Variants in APBB2 observed in about 807,000 individuals in gnomAD.
The protein encoded by APBB2 is amyloid beta precursor protein binding family B member 2.
APBB2 carries 38 observed loss-of-function variants against 82.5 expected under a neutral mutation model. The ratio of observed to expected loss-of-function variants is 0.46; its 90% CI spans 0.36 to 0.60. The LOEUF (loss-of-function observed/expected upper bound fraction) is 0.60. APBB2 is among the 20% of genes least tolerant of loss of function. The pLI is 0.00. For missense variants in APBB2, 772 were observed against 972.3 expected, an observed-to-expected ratio of 0.79 and a Z score of 2.74; for synonymous variants, 341 against 368.2, an observed-to-expected ratio of 0.93 and a Z score of 0.85.
At chr4:41,053,501 T>C (rs1032618524) in intron 4 of APBB2, among the ~76,000 whole-genome samples, 1 of 152,190 alleles carries the variant, frequency 6.6e-6, no homozygotes, top group South Asian at 2.1e-4. Flanking sequence ...AAGCAGCAGC[T>C]TGGAACTCAG....
At chr4:41,097,660 C>A (rs1319427061) in intron 3 of APBB2, among the ~76,000 whole-genome samples, 1 of 152,162 alleles carries the variant, frequency 6.6e-6, no homozygotes, top group Non-Finnish European at 1.5e-5. Flanking sequence ...AATTTTACTT[C>A]CTTTAAAACA....
At chr4:40,948,471 C>G (rs374470440) in intron 6 of APBB2, among the ~76,000 whole-genome samples, 1 of 152,040 alleles carries the variant, frequency 6.6e-6, no homozygotes, top group East Asian at 1.9e-4. Flanking sequence ...ACTCAAGAGG[C>G]TGAGGACGGC....
intron 10 of APBB2, among the ~76,000 whole-genome samples, chr4:40,914,018 C>T (rs1446058716): frequency 6.6e-6 from 1 of 151,984 alleles, no homozygotes; most frequent in Non-Finnish European, 1.5e-5. Context: ...GGCGGACCAC[C>T]TGAGGTCAGG....
intron 7 of APBB2, among the ~76,000 whole-genome samples, chr4:40,941,644 T>TGTTTA (rs1786964449): frequency 6.6e-6 from 1 of 152,212 alleles, no homozygotes. Flanking sequence ...TTTGTTTGTT[T>TGTTTA]TAAGAGACAG....
At chr4:40,982,223 AAAGAAAGAAAGAAAGAAAGAAAG>A (rs1798724752) in intron 6 of APBB2, among the ~76,000 whole-genome samples, 1 of 6,240 alleles carries the variant, frequency 1.6e-4, no homozygotes, top group African/African-American at 6.7e-4. Flanking sequence ...AAAAGAAAGG[AAAGAAAGAAAGAAAGAAAGAAAG>A]AAAGAAAGAA....
At chr4:41,093,155 G>GATGAAA (rs1291753124) in intron 3 of APBB2, among the ~76,000 whole-genome samples, 1 of 152,176 alleles carries the variant, frequency 6.6e-6, no homozygotes, top group Non-Finnish European at 1.5e-5. Flanking sequence ...TCAAAGCCCA[G>GATGAAA]ATGAAATGTT....
At chr4:40,939,109 C>T (rs1786163128) in intron 7 of APBB2, among the ~76,000 whole-genome samples, 1 of 152,190 alleles carries the variant, frequency 6.6e-6, no homozygotes, top group Admixed American at 6.5e-5. Context: ...TGCAGTCTCT[C>T]GGCCTTGGAC....
chr4:41,087,667 G>C (rs1314270066), intron 3 of APBB2, among the ~76,000 whole-genome samples: 6 of 151,824 alleles, frequency 4.0e-5, no homozygotes, highest in Non-Finnish European at 8.8e-5. Flanking sequence ...GACTTCAAGT[G>C]ATCTTCCCGC....
chr4:40,909,279 A>G (rs115900955), intron 10 of APBB2, among the ~76,000 whole-genome samples: 2,472 of 152,306 alleles, frequency 0.016, 61 homozygotes, highest in African/African-American at 0.056. Flanking sequence ...AGAAATGCCA[A>G]CTTATTAATT....
At chr4:40,862,863 A>C (rs2154335883) in intron 12 of APBB2, among the ~76,000 whole-genome samples, 1 of 152,088 alleles carries the variant, frequency 6.6e-6, no homozygotes, top group East Asian at 1.9e-4. Flanking sequence ...TCTCAAAAAA[A>C]AAAAAAAAAA....
At chr4:40,932,303 T>C (rs1197036635) in intron 10 of APBB2, among the ~76,000 whole-genome samples, 3 of 152,190 alleles carry the variant, frequency 2.0e-5, no homozygotes, top group African/African-American at 7.2e-5. Flanking sequence ...CCATAAAATT[T>C]ATCTTTAAAG....
At chr4:40,971,007 G>T (rs985961033) in intron 6 of APBB2, among the ~76,000 whole-genome samples, 2 of 152,150 alleles carry the variant, frequency 1.3e-5, no homozygotes, top group South Asian at 4.1e-4. Context: ...TTTATTTACA[G>T]TTTATGTCTC....
In APBB2 at chr4:41,019,572, TCA is replaced by T. The variant is rs138990811; in HGVS notation, c.20-5176_20-5175del. On this transcript the variant is annotated intron_variant, in intron 5 of 17. Transcript: ENST00000508593. The stretch of plus-strand genomic sequence containing the variant: ...AAAGGGAGACAACGTTCAGAAATAG[TCA>T]CAGAGGGGAAGGTGATGAAGTCGTC... Among the ~76,000 whole-genome samples the T allele has an allele frequency of 1.3e-3, 198 of 152,206 alleles. 2 individuals are homozygous for T. In the East Asian group the frequency reaches 0.026, roughly 20 times the overall value.
chr4:41,138,943 CA>C (rs1758349974), intron 2 of APBB2, among the ~76,000 whole-genome samples: 1 of 152,026 alleles, frequency 6.6e-6, no homozygotes, highest in Non-Finnish European at 1.5e-5. Flanking sequence ...ACACTAGCTA[CA>C]AATACTTTGA....
intron 2 of APBB2, among the ~76,000 whole-genome samples, chr4:41,130,755 C>T (rs116772988): frequency 6.6e-6 from 1 of 152,108 alleles, no homozygotes; most frequent in African/African-American, 2.4e-5. Context: ...CCCAAGACCA[C>T]GCCCTCCCCA....
intron 13 of APBB2, among the ~76,000 whole-genome samples, chr4:40,829,319 T>A (rs1751045175): frequency 6.6e-6 from 1 of 152,004 alleles, no homozygotes; most frequent in African/African-American, 2.4e-5. Flanking sequence ...CAGAAGACAA[T>A]GGTTAGGGAC....
In APBB2 at chr4:40,815,880, C is replaced by T. The variant is rs1745470923; in HGVS notation, c.*212G>A. 3.5e-6 allele frequency: 2 copies of T among 569,510 alleles called. No individual in the cohort carries two copies. The highest frequency in any genetic ancestry group is 3.1e-6 in the Non-Finnish European group (1 of 323,362). The allele number at this position is 569,510 out of a possible 1,614,324, so 35.3% of individuals were successfully genotyped here. The stretch of plus-strand genomic sequence containing the variant: ...AGACCTTCCACTGCGCATGATGTAA[C>T]TTACAGCAAAAAAAATTATTCATGC... On this transcript the variant is annotated 3_prime_UTR_variant, in exon 18 of 18. Transcript: ENST00000508593.
chr4:41,047,632 A>G (rs143619489), intron 4 of APBB2, among the ~76,000 whole-genome samples: 2 of 152,386 alleles, frequency 1.3e-5, no homozygotes, highest in East Asian at 1.9e-4. Flanking sequence ...ACAAACTTGC[A>G]TAACATTGGG....
chr4:41,206,517 G>A (rs2154079322), intron 1 of APBB2, among the ~76,000 whole-genome samples: 1 of 152,304 alleles, frequency 6.6e-6, no homozygotes, highest in South Asian at 2.1e-4. Flanking sequence ...CCAGTGTCCT[G>A]GAAAAGGTAT....
Sources: allele counts gnomAD v4.1 joint callset (sites outside exome capture counted in the v4.1 genomes callset), GRCh38; gene constraint gnomAD v4.1.1; transcripts MANE v1.5; gene names NCBI Gene and HGNC (gene_info 2026-07-23, HGNC 2026-07-21).